The following SYT14 variants were observed in gnomAD, a reference collection of about 807,000 sequenced individuals.
SYT14 encodes the protein synaptotagmin-14.
Under a neutral mutation model 74.2 loss-of-function variants are expected in SYT14, and 32 were observed. The observed-to-expected ratio is 0.43, with a 90% CI of 0.33 to 0.58. SYT14 has a LOEUF of 0.58. Ranked by LOEUF, SYT14 falls within the 20% of genes least tolerant of loss-of-function variation. The pLI, the probability that SYT14 is intolerant of heterozygous loss-of-function variation, is 0.05. For synonymous variants in SYT14, 298 were observed against 337.7 expected (o/e 0.88, Z 1.29); for missense variants, 791 against 981.8 (o/e 0.81, Z 2.60).
exon 4 of SYT14, chr1:210,016,459 A>G (rs1398003960): frequency 2.4e-6 from 3 of 1,231,982 alleles, no homozygotes; most frequent in African/African-American, 3.1e-5. Flanking sequence ...ATGGTGGGAT[A>G]TCAGTTATCA....
At chr1:210,128,152 C>G (rs747483028) in intron 7 of SYT14, among the ~76,000 whole-genome samples, 1 of 152,130 alleles carries the variant, frequency 6.6e-6, no homozygotes, top group Non-Finnish European at 1.5e-5. Context: ...GCAGGACGAT[C>G]GCTTGAGGTC....
intron 7 of SYT14, among the ~76,000 whole-genome samples, chr1:210,136,450 GTA>G (rs1204391698): frequency 3.3e-5 from 5 of 152,190 alleles, no homozygotes; most frequent in African/African-American, 9.6e-5. Context: ...TAGATTGTAA[GTA>G]TAGCCAGATG....
At chr1:209,966,308 T>C (rs1023653537) in intron 2 of SYT14, among the ~76,000 whole-genome samples, 2 of 152,210 alleles carry the variant, frequency 1.3e-5, no homozygotes, top group African/African-American at 4.8e-5. Context: ...ATTCATTCGC[T>C]CTTCCAGACC....
intron 5 of SYT14, among the ~76,000 whole-genome samples, chr1:210,093,580 T>C (rs2102523508): frequency 6.6e-6 from 1 of 152,314 alleles, no homozygotes; most frequent in African/African-American, 2.4e-5. Flanking sequence ...AAAGAAAATG[T>C]GGTTTCATGT....
chr1:210,016,997 G>A lies in SYT14; in HGVS notation c.994G>A (p.Val332Met), dbSNP rs559779651. ...AATAAATTCAACGAAATACTGTAAA[G>A]TGAACGAAGACATAAAACCAAAGAA... The change falls in exon 4 of 10, where the codon GTG (valine) becomes ATG (methionine). Residue 332 changes from valine to methionine, a missense_variant. By Grantham distance (21) the Val-to-Met change is conservative. Coordinates refer to ENST00000637265, the Ensembl canonical transcript of SYT14. 9 of 1,231,816 alleles carry A rather than the reference G, an allele frequency of 7.3e-6. No individual in the cohort carries two copies. In the African/African-American group the frequency reaches 1.2e-4, roughly 17 times the overall value. 76.3% of individuals were successfully genotyped at this position (1,231,816 alleles called of 1,614,324 possible).
intron 2 of SYT14, among the ~76,000 whole-genome samples, chr1:210,007,075 T>C (rs906784300): frequency 2.6e-5 from 4 of 151,960 alleles, no homozygotes; most frequent in African/African-American, 9.7e-5. Flanking sequence ...CCAACTTATC[T>C]GTAGAAATTA....
chr1:210,070,689 A>G (rs1177079784), intron 5 of SYT14, among the ~76,000 whole-genome samples: 3 of 152,116 alleles, frequency 2.0e-5, no homozygotes, highest in East Asian at 1.9e-4. Context: ...AAAGACAGGT[A>G]CACTTGGAGT....
chr1:210,107,996 A>G (rs1558193914), intron 7 of SYT14, among the ~76,000 whole-genome samples: 2 of 152,222 alleles, frequency 1.3e-5, no homozygotes, highest in African/African-American at 4.8e-5. Context: ...GTGGGGATGA[A>G]TAAGTAAATA....
At chr1:210,100,914 G>A (rs989895558) in intron 7 of SYT14, among the ~76,000 whole-genome samples, 2 of 152,048 alleles carry the variant, frequency 1.3e-5, no homozygotes, top group African/African-American at 2.4e-5. Context: ...GGTCCCGACT[G>A]GATATGTTTC....
At chr1:210,000,466 G>GCACACACA (rs375046637) in intron 2 of SYT14, among the ~76,000 whole-genome samples, 5,491 of 143,080 alleles carry the variant, frequency 0.038, 279 homozygotes, top group African/African-American at 0.097. Context: ...GTCCTCATAC[G>GCACACACA]CACACACACA....
chr1:210,160,847 G>A, exon 10 of SYT14: 1 of 1,613,996 alleles, frequency 6.2e-7, no homozygotes, highest in Non-Finnish European at 8.5e-7. Context: ...TCTTTCAAGT[G>A]GCCCTATTTC....
intron 5 of SYT14, among the ~76,000 whole-genome samples, chr1:210,032,856 C>T (rs537351277): frequency 1.1e-4 from 16 of 147,228 alleles, no homozygotes; most frequent in African/African-American, 4.0e-4. Context: ...GTGATAGAAG[C>T]GTACCTATAC....
chr1:209,944,873 T>A (rs978637781), intron 1 of SYT14, among the ~76,000 whole-genome samples: 6 of 152,126 alleles, frequency 3.9e-5, no homozygotes, highest in Non-Finnish European at 7.4e-5. Flanking sequence ...CAATGATAAC[T>A]GTAGAAGAGA....
At chr1:209,983,537 C>T (rs1040946260) in intron 2 of SYT14, among the ~76,000 whole-genome samples, 2 of 152,134 alleles carry the variant, frequency 1.3e-5, no homozygotes, top group African/African-American at 4.8e-5. Context: ...TTTTCACTGT[C>T]AGAATGTCTA....
At chr1:209,941,388 C>G (rs2078727916) in intron 1 of SYT14, among the ~76,000 whole-genome samples, 1 of 152,208 alleles carries the variant, frequency 6.6e-6, no homozygotes. Context: ...CACATCCTTA[C>G]TGTTGGCCCA....
At chr1:209,984,664 G>C (rs2079542179) in intron 2 of SYT14, among the ~76,000 whole-genome samples, 1 of 152,072 alleles carries the variant, frequency 6.6e-6, no homozygotes, top group Non-Finnish European at 1.5e-5. Context: ...GTGTGTATTA[G>C]TCCATTCTTC....
At chr1:210,056,287 G>A (rs1244367867) in intron 5 of SYT14, among the ~76,000 whole-genome samples, 1 of 151,880 alleles carries the variant, frequency 6.6e-6, no homozygotes, top group Non-Finnish European at 1.5e-5. Context: ...GATGAGAATT[G>A]AACCAACTAA....
intron 5 of SYT14, among the ~76,000 whole-genome samples, chr1:210,083,232 T>C (rs1344524161): frequency 1.3e-5 from 2 of 152,128 alleles, no homozygotes. Context: ...CCTCAAGTGA[T>C]CCACCCACCT....
exon 10 of SYT14, chr1:210,168,460 CTTTCTG>C (rs2083479892): frequency 6.6e-6 from 1 of 152,080 alleles, no homozygotes; most frequent in African/African-American, 2.4e-5. Flanking sequence ...ACCATAACAT[CTTTCTG>C]TTTATTACAT....
Sources: gnomAD v4.1 joint callset for allele counts (sites outside exome capture counted in the v4.1 genomes callset) on GRCh38, gnomAD v4.1.1 for gene constraint, MANE v1.5 for transcripts, NCBI Gene and HGNC (gene_info 2026-07-23, HGNC 2026-07-21) for gene names.